Variants in FAM219A observed in about 807,000 individuals in gnomAD.
The protein encoded by FAM219A is family with sequence similarity 219 member A, also known as protein FAM219A.
A neutral mutation model predicts 23.4 loss-of-function variants in FAM219A; 7 were observed. The observed-to-expected ratio is 0.30, with a 90% CI of 0.17 to 0.56. The LOEUF is 0.56. Among genes scored for constraint, FAM219A ranks in the 20% least tolerant of loss-of-function variants. The probability of loss-of-function intolerance (pLI) is 0.92; values close to 1 mark genes in which losing one functional copy is unlikely to be tolerated. For missense variants in FAM219A, 166 were observed against 246.9 expected (o/e 0.67, Z 2.20); for synonymous variants, 93 against 99.0 (o/e 0.94, Z 0.36).
chr9:34,454,511 C>G (rs1296369724), intron 1 of FAM219A, among the ~76,000 whole-genome samples: 1 of 152,170 alleles, frequency 6.6e-6, no homozygotes, highest in Non-Finnish European at 1.5e-5. Context: ...CCTGGTTCAG[C>G]TGCTGAGTTG....
intron 1 of FAM219A, among the ~76,000 whole-genome samples, chr9:34,416,235 G>GAAAGAA (rs1822010129): frequency 8.6e-6 from 1 of 116,914 alleles, no homozygotes; most frequent in Non-Finnish European, 1.7e-5. Flanking sequence ...AAGAAAGAAA[G>GAAAGAA]AAAGAAAGAA....
chr9:34,454,762 CT>C (rs1445752919), intron 1 of FAM219A, among the ~76,000 whole-genome samples: 1 of 152,202 alleles, frequency 6.6e-6, no homozygotes, highest in Non-Finnish European at 1.5e-5. Context: ...CCCAGGCCTT[CT>C]TTTCAAGCCT....
intron 1 of FAM219A, among the ~76,000 whole-genome samples, chr9:34,442,692 AAAAAC>A (rs1278378327): frequency 2.0e-5 from 3 of 152,004 alleles, no homozygotes. Context: ...CTCAAAAAAA[AAAAAC>A]AAAAAAAAAG....
At chr9:34,429,323 G>A (rs879751152) in intron 1 of FAM219A, among the ~76,000 whole-genome samples, 5 of 152,144 alleles carry the variant, frequency 3.3e-5, no homozygotes, top group Admixed American at 6.6e-5. Flanking sequence ...AAAGGAAGAG[G>A]GCCTTGCACA....
chr9:34,402,150 A>C (rs966412986), intron 4 of FAM219A: 2 of 1,454,000 alleles, frequency 1.4e-6, no homozygotes, highest in Non-Finnish European at 9.1e-7. Flanking sequence ...CCATTGGATC[A>C]GTTGTCCCAG....
chr9:34,442,320 GTTTTTGTTTTTGTGT>G (rs1377109235), intron 1 of FAM219A, among the ~76,000 whole-genome samples: 1 of 152,184 alleles, frequency 6.6e-6, no homozygotes, highest in Admixed American at 6.5e-5. Flanking sequence ...CTTTTTATTT[GTTTTTGTTTTTGTGT>G]TTTAACAAAT....
rs117611761 is a variant in FAM219A at position 34,457,842 on chromosome 9, C to T, written c.60+362G>A. On this transcript the variant is annotated intron_variant, in intron 1 of 5. Transcript: ENST00000651358. This position sits in a 1 kb window ranked among gnomAD's most constrained non-coding sequence, Gnocchi z 5.1. Reference sequence around the variant, plus strand: ...CAGGCCTCTAGGACTAAACGCCTCCCCACCTCCCATCCCAGACCCCTGGGC... The same window carrying T: ...CAGGCCTCTAGGACTAAACGCCTCCTCACCTCCCATCCCAGACCCCTGGGC... Among the ~76,000 whole-genome samples the T allele has an allele frequency of 2.2e-4, 34 of 152,340 alleles. No homozygotes were observed. The highest frequency in any genetic ancestry group is 3.4e-3 in the Middle Eastern group (1 of 294).
At position 34,401,084 on chromosome 9, in the gene FAM219A, G is replaced by A. The variant is rs747512027; in HGVS notation, c.438C>T (p.Asp146=). ...NQDLNIQLLK[D]GYRLDEIPDD... ...CGGGGATCTCATCTAACCGGTAGCC[G>A]TCCTTCAGCAGCTGGATGTTCAAAT... Residue 146 remains aspartate, a synonymous_variant, in exon 6 of 6, where the codon GAC becomes GAT. Coordinates refer to ENST00000651358, the MANE Select transcript of FAM219A (RefSeq NM_001184940.2). The A allele has an allele frequency of 3.7e-6, 6 of 1,613,174 alleles. No homozygotes were observed. In the African/African-American group the frequency reaches 4.0e-5, roughly 11 times the overall value.
In FAM219A at chr9:34,417,418, G is replaced by A. The variant is rs1272800031; in HGVS notation, c.61-11454C>T. 6.6e-6 allele frequency among the ~76,000 whole-genome samples: 1 copy of A among 152,196 alleles called. No individual in the cohort carries two copies. The highest frequency in any genetic ancestry group is 1.5e-5 in the Non-Finnish European group (1 of 68,034). On this transcript the variant is annotated intron_variant, in intron 1 of 5. Coordinates refer to ENST00000651358, the MANE Select transcript of FAM219A (RefSeq NM_001184940.2). The surrounding 1 kb of genome is among the most constrained non-coding windows in gnomAD (Gnocchi z 4.1). The stretch of plus-strand genomic sequence containing the variant: ...GCTGCATAATACCTATAGAGAGGAT[G>A]TAGAGTAACTTTGTAACCATTCATT...
chr9:34,414,229 A>AT (rs1201521852), intron 1 of FAM219A, among the ~76,000 whole-genome samples: 2 of 152,188 alleles, frequency 1.3e-5, no homozygotes, highest in Non-Finnish European at 2.9e-5. Context: ...ACACCTCAAC[A>AT]TATGAGTTAT....
intron 1 of FAM219A, among the ~76,000 whole-genome samples, chr9:34,407,312 T>C (rs78931291): frequency 0.021 from 3,170 of 152,294 alleles, 101 homozygotes; most frequent in East Asian, 0.13. Context: ...TATATCAGCC[T>C]GTTGCAACAT....
rs140052538 is a variant in FAM219A, at chr9:34,452,369, T to C, written c.60+5835A>G. On this transcript the variant is annotated intron_variant, in intron 1 of 5. Transcript: ENST00000651358. ...GAAGTCCCTGAGACCAAAAGGTACATGGGCTCCTGAGTTTCCCGAGGTGAT... is the reference window on the plus strand; with the variant it reads ...GAAGTCCCTGAGACCAAAAGGTACACGGGCTCCTGAGTTTCCCGAGGTGAT... Among the ~76,000 whole-genome samples the C allele has an allele frequency of 4.6e-5, 7 of 152,334 alleles. No homozygotes were observed. In the East Asian group the frequency reaches 1.2e-3, roughly 25 times the overall value.
chr9:34,402,225 C>T (rs1821469272), intron 4 of FAM219A, 162 bp downstream of exon 4: 1 of 1,591,658 alleles, frequency 6.3e-7, no homozygotes, highest in South Asian at 1.1e-5. Context: ...CCCCCAGTCC[C>T]TGGTGTAAAA....
chr9:34,454,269 C>G (rs1823658319), intron 1 of FAM219A, among the ~76,000 whole-genome samples: 1 of 152,178 alleles, frequency 6.6e-6, no homozygotes, highest in Non-Finnish European at 1.5e-5. Flanking sequence ...AAGCCTGTCT[C>G]TACTAAAAAT....
At position 34,423,721 on chromosome 9, in the gene FAM219A, T is replaced by C. The variant is rs573986113; in HGVS notation, c.61-17757A>G. On this transcript the variant is annotated intron_variant, in intron 1 of 5. Coordinates refer to ENST00000651358, the MANE Select transcript of FAM219A (RefSeq NM_001184940.2). ...AGGCAGGGAGGCTAGATAAAGGTCA[T>C]TGCAGTAGGTGACAAAGCTTGAAAA... Among the ~76,000 whole-genome samples the C allele has an allele frequency of 1.1e-4, 16 of 152,252 alleles. No homozygotes were observed. In the South Asian group the frequency reaches 3.1e-3, roughly 30 times the overall value.
intron 1 of FAM219A, among the ~76,000 whole-genome samples, chr9:34,455,866 G>A (rs941773680): frequency 1.2e-4 from 19 of 152,278 alleles, no homozygotes; most frequent in African/African-American, 4.3e-4. Flanking sequence ...TGACTATATT[G>A]CTATTTCCAT....
chr9:34,411,664 G>A (rs1256577817), intron 1 of FAM219A, among the ~76,000 whole-genome samples: 3 of 135,006 alleles, frequency 2.2e-5, no homozygotes, highest in Admixed American at 1.6e-4. Context: ...GCGACAGAGC[G>A]AGACTCCGTC....
intron 1 of FAM219A, among the ~76,000 whole-genome samples, chr9:34,421,003 T>TGAGAGAGA (rs1389449891): frequency 1.4e-3 from 67 of 46,848 alleles, no homozygotes; most frequent in African/African-American, 5.0e-3. Context: ...TGTGTGTGTG[T>TGAGAGAGA]GTGTGTGAGA....
chr9:34,413,838 G>A (rs145192596), intron 1 of FAM219A, among the ~76,000 whole-genome samples: 1 of 152,208 alleles, frequency 6.6e-6, no homozygotes, highest in African/African-American at 2.4e-5. Flanking sequence ...TAAGAAATGG[G>A]AAGTCAGGGA....
Sources: allele counts gnomAD v4.1 joint callset (sites outside exome capture counted in the v4.1 genomes callset), GRCh38; gene constraint gnomAD v4.1.1; non-coding constraint Gnocchi (gnomAD v3.1); transcripts MANE v1.5; gene names NCBI Gene and HGNC (gene_info 2026-07-23, HGNC 2026-07-21).